The following ANKFN1 variants were observed in gnomAD, a reference collection of about 807,000 sequenced individuals.
ANKFN1 encodes ankyrin repeat and fibronectin type III domain containing 1.
In ANKFN1, 74 loss-of-function variants were observed where a neutral mutation model predicts 108.7. That is an observed-to-expected ratio of 0.68 (90% CI 0.56 to 0.83). The LOEUF (loss-of-function observed/expected upper bound fraction) is 0.83. ANKFN1 is among the 40% of genes least tolerant of loss of function. The probability of loss-of-function intolerance (pLI) is 0.00; values close to 1 mark genes in which losing one functional copy is unlikely to be tolerated. For missense variants in ANKFN1, 1,505 were observed against 1,382.3 expected (o/e 1.09, Z -1.41); for synonymous variants, 547 against 516.2 (o/e 1.06, Z -0.81).
intron 1 of ANKFN1, among the ~76,000 whole-genome samples, chr17:56,183,167 A>C (rs969972161): frequency 8.5e-5 from 13 of 152,168 alleles, no homozygotes; most frequent in African/African-American, 3.1e-4. Context: ...CCATGGATCG[A>C]GGAGTTATTT....
chr17:56,163,055 G>GA (rs113199663), intron 1 of ANKFN1, among the ~76,000 whole-genome samples: 97 of 145,554 alleles, frequency 6.7e-4, no homozygotes, highest in African/African-American at 2.0e-3. Flanking sequence ...AAGAAAAAAA[G>GA]AAAAAAAAAA....
intron 8 of ANKFN1, among the ~76,000 whole-genome samples, chr17:56,389,771 T>G (rs1185899428): frequency 6.6e-6 from 1 of 152,216 alleles, no homozygotes; most frequent in Non-Finnish European, 1.5e-5. Flanking sequence ...TAAGAAGTTT[T>G]TGGAATATGT....
intron 4 of ANKFN1, among the ~76,000 whole-genome samples, chr17:56,121,943 C>G (rs746640345): frequency 6.6e-6 from 1 of 152,048 alleles, no homozygotes; most frequent in South Asian, 2.1e-4. Flanking sequence ...TTTAGGGTAG[C>G]AGGGGTTGCT....
At chr17:56,159,757 G>A (rs1909470085) in intron 1 of ANKFN1, among the ~76,000 whole-genome samples, 1 of 152,176 alleles carries the variant, frequency 6.6e-6, no homozygotes, top group African/African-American at 2.4e-5. Context: ...TTGCATTTGA[G>A]GTTCGGGTTG....
At chr17:56,391,232 T>TATATATATATATAC (rs1567966998) in intron 8 of ANKFN1, among the ~76,000 whole-genome samples, 2 of 33,524 alleles carry the variant, frequency 6.0e-5, no homozygotes, top group African/African-American at 8.4e-5. Flanking sequence ...TATATATATA[T>TATATATATATATAC]ATATATATAT....
At chr17:56,227,522 C>A (rs929595822) in intron 2 of ANKFN1, among the ~76,000 whole-genome samples, 1 of 152,084 alleles carries the variant, frequency 6.6e-6, no homozygotes, top group Non-Finnish European at 1.5e-5. Context: ...ACTTGGCCAA[C>A]AAGAACAAGG....
intron 3 of ANKFN1, among the ~76,000 whole-genome samples, chr17:56,315,037 G>A (rs2045159161): frequency 6.6e-6 from 1 of 152,116 alleles, no homozygotes; most frequent in African/African-American, 2.4e-5. Context: ...TTGTTCAGGT[G>A]CAAATGTGTT....
intron 1 of ANKFN1, 96 bp downstream of exon 1, chr17:56,153,626 G>A (rs1438460231): frequency 2.0e-6 from 3 of 1,501,808 alleles, no homozygotes; most frequent in South Asian, 1.1e-5. Flanking sequence ...GTGGGCGAGT[G>A]AATTCGGGCG....
At chr17:56,368,093 T>G (rs2046707053) in intron 6 of ANKFN1, 1 of 1,036,860 alleles carries the variant, frequency 9.6e-7, no homozygotes, top group African/African-American at 1.6e-5. Context: ...GTAGTTACAC[T>G]TCTGTAACAC....
intron 1 of ANKFN1, among the ~76,000 whole-genome samples, chr17:56,161,262 GA>G (rs1338959933): frequency 6.6e-6 from 1 of 152,158 alleles, no homozygotes; most frequent in Non-Finnish European, 1.5e-5. Flanking sequence ...GGGTTAACAG[GA>G]TTCAGAATAA....
Position 56,490,936 on chromosome 17 carries a change from A to AG in ANKFN1, c.2261-1251_2261-1250insG, listed in dbSNP as rs1491297655. On this transcript the variant is annotated intron_variant, in intron 18 of 20. Coordinates refer to ENST00000682825, the MANE Select transcript of ANKFN1 (RefSeq NM_001370326.1). Reference sequence around the variant, plus strand: ...ATTCACCTAAGATTTATCCCCAGAGAAAAAAAAGCAAGGAAGTAGTAGCCA... The same window carrying AG: ...ATTCACCTAAGATTTATCCCCAGAGAGAAAAAAAGCAAGGAAGTAGTAGCCA... Among the ~76,000 whole-genome samples, 8 of 25,050 alleles carry AG rather than the reference A, an allele frequency of 3.2e-4. 1 individual carries two copies. The Admixed American group carries it at 6.1e-3, about 19-fold the overall frequency. 16.4% of individuals were successfully genotyped at this position (25,050 alleles called of 152,430 possible). A position where few individuals can be genotyped will look rare whatever the true frequency, so the allele number is the denominator to read the frequency against.
At chr17:56,410,228 A>G (rs1355206244) in intron 8 of ANKFN1, among the ~76,000 whole-genome samples, 1 of 152,140 alleles carries the variant, frequency 6.6e-6, no homozygotes, top group African/African-American at 2.4e-5. Context: ...GGCATGTGCC[A>G]CCACGCCCAG....
At chr17:56,165,629 G>A (rs1191583530) in intron 1 of ANKFN1, among the ~76,000 whole-genome samples, 3 of 152,032 alleles carry the variant, frequency 2.0e-5, no homozygotes, top group African/African-American at 4.8e-5. Context: ...TAGACCAAAC[G>A]TTCAGATGTT....
chr17:56,467,792 A>AAAG (rs1555660595), intron 15 of ANKFN1, among the ~76,000 whole-genome samples: 479 of 15,470 alleles, frequency 0.031, 10 homozygotes, highest in African/African-American at 0.12. Flanking sequence ...AGAAAGAAAG[A>AAAG]AGAAAGAAAG....
intron 17 of ANKFN1, among the ~76,000 whole-genome samples, chr17:56,481,840 C>T (rs1309691225): frequency 1.3e-5 from 2 of 152,224 alleles, no homozygotes; most frequent in Admixed American, 6.5e-5. Flanking sequence ...ACTATTAAAG[C>T]GTTTCTTGGA....
chr17:56,270,179 C>G (rs1302039961), intron 3 of ANKFN1, among the ~76,000 whole-genome samples: 3 of 152,100 alleles, frequency 2.0e-5, no homozygotes, highest in African/African-American at 7.2e-5. Flanking sequence ...ACAGGCACAC[C>G]CCAATCTGCT....
intron 3 of ANKFN1, among the ~76,000 whole-genome samples, chr17:56,317,119 GAGA>G (rs957857570): frequency 1.3e-5 from 2 of 152,142 alleles, no homozygotes; most frequent in African/African-American, 2.4e-5. Flanking sequence ...CTTTGTGGCA[GAGA>G]AGTTCTTCTA....
intron 1 of ANKFN1, among the ~76,000 whole-genome samples, chr17:56,186,918 T>C (rs1912266546): frequency 6.6e-6 from 1 of 152,178 alleles, no homozygotes; most frequent in Non-Finnish European, 1.5e-5. Flanking sequence ...TCCTTACACC[T>C]TATACAAAAA....
intron 15 of ANKFN1, among the ~76,000 whole-genome samples, chr17:56,467,815 A>AAAG: frequency 9.7e-5 from 4 of 41,186 alleles, no homozygotes; most frequent in African/African-American, 5.8e-4. Context: ...AGAAAGAAAG[A>AAAG]AAGAAAGAAA....
Sources: allele counts gnomAD v4.1 joint callset (sites outside exome capture counted in the v4.1 genomes callset), GRCh38; gene constraint gnomAD v4.1.1; transcripts MANE v1.5; gene names NCBI Gene and HGNC (gene_info 2026-07-23, HGNC 2026-07-21).